ARHGAP10: variants seen among roughly 807,000 people sequenced by gnomAD.
ARHGAP10 encodes rho GTPase-activating protein 10.
In ARHGAP10, 87 loss-of-function variants were observed where a neutral mutation model predicts 108.6. The observed-to-expected ratio is 0.80, with a 90% CI of 0.67 to 0.96. The LOEUF (loss-of-function observed/expected upper bound fraction) is 0.96. ARHGAP10 is among the 40% of genes least tolerant of loss of function. ARHGAP10 has a pLI of 0.00. For synonymous variants in ARHGAP10, 347 were observed against 341.1 expected (o/e 1.02, Z -0.19); for missense variants, 939 against 954.5 (o/e 0.98, Z 0.21).
chr4:147,837,530 A>T (rs1038973900), intron 3 of ARHGAP10, among the ~76,000 whole-genome samples: 7 of 151,286 alleles, frequency 4.6e-5, no homozygotes, highest in African/African-American at 9.7e-5. Context: ...TTGCTACTGG[A>T]TGTGGACACT....
chr4:148,071,708 A>G (rs1730191446), intron 22 of ARHGAP10, among the ~76,000 whole-genome samples: 1 of 151,962 alleles, frequency 6.6e-6, no homozygotes, highest in African/African-American at 2.4e-5. Flanking sequence ...TGTGTTCTAG[A>G]GAGTTCACTG....
chr4:148,041,103 A>G (rs1728615866), intron 19 of ARHGAP10, among the ~76,000 whole-genome samples: 1 of 152,134 alleles, frequency 6.6e-6, no homozygotes, highest in Non-Finnish European at 1.5e-5. Flanking sequence ...ATTAAATTCA[A>G]CTAATATATT....
At chr4:147,898,658 T>G (rs1380494779) in intron 10 of ARHGAP10, among the ~76,000 whole-genome samples, 1 of 152,196 alleles carries the variant, frequency 6.6e-6, no homozygotes, top group Non-Finnish European at 1.5e-5. Context: ...AGATTCTCTG[T>G]TTCACTTTTC....
chr4:147,744,684 G>A (rs1728834353), intron 1 of ARHGAP10, among the ~76,000 whole-genome samples: 1 of 152,136 alleles, frequency 6.6e-6, no homozygotes, highest in African/African-American at 2.4e-5. Flanking sequence ...GTGTGGGCTG[G>A]TGAGTGCAGT....
At position 147,966,700 on chromosome 4, in the gene ARHGAP10, A is replaced by G; in HGVS notation, c.1577A>G (p.Gln526Arg). The G allele has an allele frequency of 6.3e-7, 1 of 1,585,784 alleles. No homozygotes were observed. Among genetic ancestry groups the G allele is most frequent in the Non-Finnish European group, 8.6e-7 (1 of 1,162,394 alleles). Residue 526 changes from glutamine (Q) to arginine (R), a missense_variant, in exon 18 of 23, where the codon CAG becomes CGG. Physicochemically the swap from Gln to Arg is conservative, Grantham distance 43 (BLOSUM62 1). Transcript: ENST00000336498. ...HLTNVSNHSK[Q>R]NLMTVANLGV... is the part of the protein sequence containing the mutation. ...TTCAGTGTTTCAAATCACTCCAAGCAGAACCTGATGACTGTGGCAAACTTA... is the reference window on the plus strand; with the variant it reads ...TTCAGTGTTTCAAATCACTCCAAGCGGAACCTGATGACTGTGGCAAACTTA...
intron 13 of ARHGAP10, among the ~76,000 whole-genome samples, chr4:147,930,132 T>C (rs1737620600): frequency 6.6e-6 from 1 of 152,220 alleles, no homozygotes; most frequent in African/African-American, 2.4e-5. Flanking sequence ...TGCCAGGCAA[T>C]CTGCTGGTTA....
At chr4:147,830,512 C>CTTTTTTTTTTTT (rs56946602) in intron 3 of ARHGAP10, among the ~76,000 whole-genome samples, 1 of 102,324 alleles carries the variant, frequency 9.8e-6, no homozygotes, top group Non-Finnish European at 1.9e-5. Context: ...ACCACAATTC[C>CTTTTTTTTTTTT]TTTTTTTTTT....
intron 1 of ARHGAP10, among the ~76,000 whole-genome samples, chr4:147,791,722 T>C (rs982463247): frequency 6.6e-6 from 1 of 152,034 alleles, no homozygotes; most frequent in Non-Finnish European, 1.5e-5. Context: ...GTAGCTGAGA[T>C]TATAGGCACC....
At chr4:148,064,534 T>G in intron 22 of ARHGAP10, 27 bp downstream of exon 22, 1 of 1,589,288 alleles carries the variant, frequency 6.3e-7, no homozygotes, top group Non-Finnish European at 8.6e-7. Flanking sequence ...GCTTCGTCTG[T>G]TAATCCTGTC....
chr4:148,044,566 G>A (rs1390143946), intron 19 of ARHGAP10, among the ~76,000 whole-genome samples: 3 of 152,158 alleles, frequency 2.0e-5, no homozygotes, highest in Middle Eastern at 3.2e-3. Flanking sequence ...GAGGGCAGCC[G>A]TCATGCCAGG....
chr4:147,867,347 A>T (rs1481864852), intron 7 of ARHGAP10, among the ~76,000 whole-genome samples: 2 of 152,158 alleles, frequency 1.3e-5, no homozygotes, highest in East Asian at 3.9e-4. Flanking sequence ...AGTACACTAT[A>T]TGTCATTTTG....
chr4:147,964,027 T>A (rs1456757020), intron 16 of ARHGAP10, among the ~76,000 whole-genome samples: 1 of 152,242 alleles, frequency 6.6e-6, no homozygotes, highest in East Asian at 1.9e-4. Context: ...TAAGCACGCC[T>A]TTTTATTCTG....
In ARHGAP10 at chr4:147,732,346, C is replaced by A; in HGVS notation, c.45C>A (p.Ser15Arg). 1.2e-6 allele frequency: 2 copies of A among 1,613,434 alleles called. No homozygotes were observed. Among genetic ancestry groups the A allele is most frequent in the Non-Finnish European group, 1.7e-6 (2 of 1,179,632 alleles). Residue 15 changes from serine (S) to arginine (R), a missense_variant, in exon 1 of 23, where the codon AGC becomes AGA. Transcript: ENST00000336498. ...AGTTCAGCGACTGCTACCTCGACAG[C>A]CCGTGGTTCCGGGAGAGGATCCGCG... The part of the protein sequence containing the change: ...PLEFSDCYLD[S>R]PWFRERIRAH...
Position 147,732,356 on chromosome 4 carries a change from C to G in ARHGAP10, c.55C>G (p.Arg19Gly), listed in dbSNP as rs773396400. Reference protein sequence around the residue: ...SDCYLDSPWFRERIRAHEAEL... With the variant: ...SDCYLDSPWFGERIRAHEAEL... Reference sequence around the variant, plus strand: ...CTGCTACCTCGACAGCCCGTGGTTCCGGGAGAGGATCCGCGCTCACGAAGC... The same window carrying G: ...CTGCTACCTCGACAGCCCGTGGTTCGGGGAGAGGATCCGCGCTCACGAAGC... Residue 19 changes from arginine to glycine, a missense_variant, in exon 1 of 23, where the codon CGG (arginine) becomes GGG (glycine). By Grantham distance (125) the Arg-to-Gly change is moderately radical (BLOSUM62 -2). Coordinates refer to ENST00000336498, the MANE Select transcript of ARHGAP10 (RefSeq NM_024605.4). The G allele has an allele frequency of 6.2e-7, 1 of 1,613,282 alleles. No individual in the cohort carries two copies. Among genetic ancestry groups the G allele is most frequent in the Non-Finnish European group, 8.5e-7 (1 of 1,179,642 alleles).
At chr4:147,873,719 C>CACACACACACACAT (rs1420323318) in intron 7 of ARHGAP10, among the ~76,000 whole-genome samples, 3 of 150,858 alleles carry the variant, frequency 2.0e-5, no homozygotes, top group Non-Finnish European at 4.4e-5. Flanking sequence ...CACACACACA[C>CACACACACACACAT]ACACTCTTGG....
At chr4:147,996,216 G>T (rs1427948596) in intron 18 of ARHGAP10, among the ~76,000 whole-genome samples, 1 of 152,162 alleles carries the variant, frequency 6.6e-6, no homozygotes, top group Admixed American at 6.5e-5. Context: ...CTAGGATATG[G>T]CCTATGGAAA....
intron 1 of ARHGAP10, among the ~76,000 whole-genome samples, chr4:147,747,885 T>C (rs1415856637): frequency 6.6e-6 from 1 of 152,330 alleles, no homozygotes; most frequent in East Asian, 1.9e-4. Context: ...ACTGACTCTT[T>C]TTCCCTAGAC....
chr4:147,973,157 G>T (rs542593719), intron 18 of ARHGAP10, among the ~76,000 whole-genome samples: 29 of 151,862 alleles, frequency 1.9e-4, no homozygotes, highest in African/African-American at 4.8e-4. Flanking sequence ...ATTTTTTTTT[G>T]TTGTTTTTGT....
chr4:147,895,775 G>T (rs1735972228), intron 10 of ARHGAP10, among the ~76,000 whole-genome samples: 1 of 151,880 alleles, frequency 6.6e-6, no homozygotes, highest in Non-Finnish European at 1.5e-5. Context: ...GCCTGAGATT[G>T]CCTGTAAAAC....
Sources: allele counts gnomAD v4.1 joint callset (sites outside exome capture counted in the v4.1 genomes callset), GRCh38; gene constraint gnomAD v4.1.1; transcripts MANE v1.5; gene names NCBI Gene and HGNC (gene_info 2026-07-23, HGNC 2026-07-21).